The following POLN variants were observed in gnomAD, a reference collection of about 807,000 sequenced individuals.
The protein encoded by POLN is DNA polymerase nu, also known as DNA polymerase N.
POLN carries 108 observed loss-of-function variants against 113.5 expected under a neutral mutation model. The observed-to-expected ratio is 0.95, with a 90% CI of 0.81 to 1.12. The LOEUF (loss-of-function observed/expected upper bound fraction) is 1.12. Among genes scored for constraint, POLN ranks in the 50% most tolerant of loss-of-function variants. The pLI is 0.00. For missense variants in POLN, 1,097 were observed against 1,077.1 expected (o/e 1.02, Z -0.26); for synonymous variants, 386 against 391.5 (o/e 0.99, Z 0.17).
At chr4:2,223,254 C>T (rs1734304466) in intron 3 of POLN, among the ~76,000 whole-genome samples, 1 of 152,154 alleles carries the variant, frequency 6.6e-6, no homozygotes, top group Non-Finnish European at 1.5e-5. Flanking sequence ...GGGTCCCCAA[C>T]CCCTGAAGTG....
At chr4:2,076,423 AC>A (rs1158549404) in intron 23 of POLN, 3 of 152,318 alleles carry the variant, frequency 2.0e-5, no homozygotes, top group African/African-American at 7.2e-5. Flanking sequence ...CTGCCCCCAG[AC>A]CTACTGCCAG....
chr4:2,150,496 T>C (rs1295706966), intron 16 of POLN, among the ~76,000 whole-genome samples: 2 of 152,160 alleles, frequency 1.3e-5, no homozygotes, highest in East Asian at 3.8e-4. Context: ...AAAGTTCATA[T>C]GGAAATGCAA....
chr4:2,175,164 C>CT (rs1345783089), intron 9 of POLN, among the ~76,000 whole-genome samples: 1 of 152,112 alleles, frequency 6.6e-6, no homozygotes, highest in Non-Finnish European at 1.5e-5. Context: ...AAGGTGACCC[C>CT]TATCATGGGC....
rs190825674 is a variant in POLN at position 2,240,191 on chromosome 4, T to G, written c.-13+1329A>C. On this transcript the variant is annotated intron_variant, in intron 2 of 25. Coordinates refer to ENST00000511885, the MANE Select transcript of POLN (RefSeq NM_181808.4). ...CTAGTCGTCTCTCCTCAAGGATTTCTTGATTATCACAAATAGATGGTGTCT... is the reference window on the plus strand; with the variant it reads ...CTAGTCGTCTCTCCTCAAGGATTTCGTGATTATCACAAATAGATGGTGTCT... 3.7e-6 allele frequency: 6 copies of G among 1,614,116 alleles called. No individual in the cohort carries two copies. The Admixed American group carries it at 1.0e-4, about 27-fold the overall frequency.
At chr4:2,182,258 C>T (rs1393357185) in intron 7 of POLN, among the ~76,000 whole-genome samples, 1 of 152,080 alleles carries the variant, frequency 6.6e-6, no homozygotes, top group African/African-American at 2.4e-5. Context: ...AAATAAGGGC[C>T]TTTGCAGATA....
intron 13 of POLN, among the ~76,000 whole-genome samples, chr4:2,168,175 T>C (rs1732774602): frequency 6.6e-6 from 1 of 152,202 alleles, no homozygotes; most frequent in Non-Finnish European, 1.5e-5. Context: ...CTGTTAGGGC[T>C]ACATGTAGTT....
chr4:2,077,920 C>T (rs1219275035), intron 23 of POLN, among the ~76,000 whole-genome samples: 1 of 152,200 alleles, frequency 6.6e-6, no homozygotes, highest in Non-Finnish European at 1.5e-5. Flanking sequence ...GGGAGTGGAC[C>T]TCTGGTGCAA....
At chr4:2,202,445 G>A (rs1285315177) in intron 5 of POLN, among the ~76,000 whole-genome samples, 1 of 152,126 alleles carries the variant, frequency 6.6e-6, no homozygotes, top group Non-Finnish European at 1.5e-5. Context: ...AAAAGACAAA[G>A]AGGAGACCAG....
intron 25 of POLN, 79 bp downstream of exon 25, chr4:2,072,889 T>C: frequency 1.4e-6 from 2 of 1,480,094 alleles, no homozygotes; most frequent in African/African-American, 1.4e-5. Flanking sequence ...CCCTTTGGCC[T>C]GGCTCTTTTG....
chr4:2,097,413 C>T (rs530088588), intron 19 of POLN, among the ~76,000 whole-genome samples: 103 of 149,788 alleles, frequency 6.9e-4, no homozygotes, highest in Non-Finnish European at 1.2e-3. Flanking sequence ...GGCAGTGGTG[C>T]GATCTCGACT....
intron 8 of POLN, among the ~76,000 whole-genome samples, chr4:2,178,157 G>C (rs1427080174): frequency 6.6e-6 from 1 of 152,040 alleles, no homozygotes; most frequent in Admixed American, 6.5e-5. Context: ...CCTGGTGCCT[G>C]ACACGGGCTC....
Position 2,088,901 on chromosome 4 carries a change from C to T in POLN, c.2066-3157G>A, listed in dbSNP as rs779166007. ...TCGCTTGCAGCTTTTTAGTGGGTAA[C>T]GAAGACACAGTGTTGAGGCAAAAGC... On this transcript the variant is annotated intron_variant, in intron 20 of 25. Transcript: ENST00000511885. 7.7e-5 allele frequency: 104 copies of T among 1,353,544 alleles called. No homozygotes were observed. In the Middle Eastern group the frequency reaches 1.1e-3, roughly 14 times the overall value. The allele number at this position is 1,353,544 out of a possible 1,614,324, so 83.8% of individuals were successfully genotyped here. A position where few individuals can be genotyped will look rare whatever the true frequency, so the allele number is the denominator to read the frequency against.
intron 19 of POLN, among the ~76,000 whole-genome samples, chr4:2,116,170 T>A (rs571293030): frequency 9.2e-5 from 14 of 152,352 alleles, no homozygotes; most frequent in African/African-American, 3.4e-4. Flanking sequence ...TTGATGTCTG[T>A]CCCTAGACAC....
chr4:2,104,641 T>C (rs1205567605), intron 19 of POLN, among the ~76,000 whole-genome samples: 3 of 152,206 alleles, frequency 2.0e-5, no homozygotes, highest in East Asian at 1.9e-4. Context: ...GGAGGGATAT[T>C]TGACTGAGCA....
At chr4:2,226,705 C>T (rs938634021) in intron 3 of POLN, among the ~76,000 whole-genome samples, 8 of 152,176 alleles carry the variant, frequency 5.3e-5, no homozygotes, top group Admixed American at 5.2e-4. Flanking sequence ...ACAAGTATCA[C>T]AGGTTTAATA....
At chr4:2,133,828 C>G (rs1053958115) in intron 16 of POLN, among the ~76,000 whole-genome samples, 1 of 152,132 alleles carries the variant, frequency 6.6e-6, no homozygotes, top group African/African-American at 2.4e-5. Flanking sequence ...TGTCTCCCAT[C>G]CTGAGATCCC....
At chr4:2,207,611 G>A (rs558382069) in intron 5 of POLN, among the ~76,000 whole-genome samples, 1 of 151,940 alleles carries the variant, frequency 6.6e-6, no homozygotes, top group African/African-American at 2.4e-5. Context: ...ATATATGAAT[G>A]GCCAATAAGC....
intron 24 of POLN, among the ~76,000 whole-genome samples, chr4:2,075,246 GA>G (rs1381919053): frequency 2.6e-5 from 4 of 152,222 alleles, no homozygotes; most frequent in African/African-American, 9.6e-5. Flanking sequence ...GCCCAGGGTG[GA>G]GCCCACTTGG....
At chr4:2,160,466 G>A (rs781372845) in intron 13 of POLN, among the ~76,000 whole-genome samples, 2 of 151,744 alleles carry the variant, frequency 1.3e-5, no homozygotes, top group African/African-American at 2.4e-5. Flanking sequence ...GAGTGAAGTC[G>A]TGCAATCATA....
Sources: gnomAD v4.1 joint callset for allele counts (sites outside exome capture counted in the v4.1 genomes callset) on GRCh38, gnomAD v4.1.1 for gene constraint, MANE v1.5 for transcripts, NCBI Gene and HGNC (gene_info 2026-07-23, HGNC 2026-07-21) for gene names.